CPLX1: variants seen among roughly 807,000 people sequenced by gnomAD.
The protein encoded by CPLX1 is complexin-1.
A neutral mutation model predicts 15.6 loss-of-function variants in CPLX1; 6 were observed. The ratio of observed to expected loss-of-function variants is 0.39; its 90% CI spans 0.21 to 0.76. The LOEUF (loss-of-function observed/expected upper bound fraction) is 0.76, where lower values mean the gene tolerates loss of function less well. CPLX1 is among the 30% of genes least tolerant of loss of function. The pLI, the probability that CPLX1 is intolerant of heterozygous loss-of-function variation, is 0.43. For missense variants in CPLX1, 242 were observed against 188.6 expected, an observed-to-expected ratio of 1.28 and a Z score of -1.66; for synonymous variants, 91 against 75.2, an observed-to-expected ratio of 1.21 and a Z score of -1.08.
chr4:820,962 C>T (rs868382851), intron 2 of CPLX1, among the ~76,000 whole-genome samples: 1 of 152,174 alleles, frequency 6.6e-6, no homozygotes, highest in Non-Finnish European at 1.5e-5. Context: ...GGGCCGTCCA[C>T]GAGACACTTC....
At chr4:799,590 T>G (rs965630381) in intron 2 of CPLX1, among the ~76,000 whole-genome samples, 4 of 152,154 alleles carry the variant, frequency 2.6e-5, no homozygotes, top group South Asian at 2.1e-4. Flanking sequence ...AGGCTGGGCA[T>G]GGTGGCTCAC....
At chr4:810,042 ACT>A (rs1252893760) in intron 2 of CPLX1, among the ~76,000 whole-genome samples, 7 of 138,266 alleles carry the variant, frequency 5.1e-5, no homozygotes, top group Non-Finnish European at 7.7e-5. Flanking sequence ...GTGGATCTGC[ACT>A]TTCTTTTTTT....
chr4:807,216 A>T (rs1050744281), intron 2 of CPLX1, among the ~76,000 whole-genome samples: 13 of 152,250 alleles, frequency 8.5e-5, no homozygotes, highest in African/African-American at 2.7e-4. Context: ...CAGCAAACTA[A>T]CACAGGAACA....
intron 2 of CPLX1, chr4:805,034 T>C: frequency 1.4e-6 from 1 of 710,092 alleles, no homozygotes; most frequent in African/African-American, 1.9e-5. Context: ...GCACCGTCTG[T>C]CTCGGCAGCG....
At position 824,603 on chromosome 4, in the gene CPLX1, T is replaced by C; in HGVS notation, c.-79-2A>G. The C allele has an allele frequency of 1.3e-6, 2 of 1,488,860 alleles. No individual in the cohort carries two copies. Among genetic ancestry groups the C allele is most frequent in the Non-Finnish European group, 1.9e-6 (2 of 1,067,668 alleles). 92.2% of individuals were successfully genotyped at this position (1,488,860 alleles called of 1,614,324 possible). A position where few individuals can be genotyped will look rare whatever the true frequency, so the allele number is the denominator to read the frequency against. ...TATGGCCGGGAGCGAGTGTTCTTCCTGGGGGAGAGTGAAGTGGTCACAGGT... is the reference window on the plus strand; with the variant it reads ...TATGGCCGGGAGCGAGTGTTCTTCCCGGGGGAGAGTGAAGTGGTCACAGGT... On this transcript the variant is annotated splice_acceptor_variant, in intron 1 of 3. Transcript: ENST00000304062. LOFTEE classifies it low-confidence loss of function (5UTR_SPLICE).
At chr4:824,654 C>T in intron 1 of CPLX1, 53 bp from the exon 2 acceptor site, 2 of 929,844 alleles carry the variant, frequency 2.2e-6, no homozygotes, top group East Asian at 4.8e-5. Flanking sequence ...CCTGCCTGGC[C>T]TTCCCCAGAG....
intron 3 of CPLX1, 174 bp from the exon 4 acceptor site, chr4:786,872 G>C (rs914626020): frequency 8.1e-6 from 8 of 983,878 alleles, no homozygotes; most frequent in Non-Finnish European, 9.7e-6. Flanking sequence ...GGGGTCCCTG[G>C]AGGAATGGGA....
chr4:818,599 C>T (rs1042474591), intron 2 of CPLX1, among the ~76,000 whole-genome samples: 4 of 152,266 alleles, frequency 2.6e-5, no homozygotes, highest in African/African-American at 4.8e-5. Flanking sequence ...CAAGGCCCCC[C>T]GTCCACACCG....
chr4:814,033 C>T (rs1398965949), intron 2 of CPLX1, among the ~76,000 whole-genome samples: 1 of 152,234 alleles, frequency 6.6e-6, no homozygotes, highest in Non-Finnish European at 1.5e-5. Context: ...GGCAGAGCCA[C>T]ACCTGGGCGA....
At chr4:795,718 G>A (rs1018039471) in intron 2 of CPLX1, among the ~76,000 whole-genome samples, 1 of 151,898 alleles carries the variant, frequency 6.6e-6, no homozygotes, top group African/African-American at 2.4e-5. Flanking sequence ...CGGCACAGGC[G>A]GATAAACCCT....
intron 2 of CPLX1, chr4:804,856 A>C (rs1335399308): frequency 4.2e-6 from 4 of 956,788 alleles, no homozygotes; most frequent in South Asian, 4.9e-5. Context: ...CTCAGCCTCC[A>C]CGGGAAAGGT....
intron 1 of CPLX1, among the ~76,000 whole-genome samples, chr4:825,275 A>G (rs1301229842): frequency 2.6e-5 from 4 of 152,072 alleles, no homozygotes; most frequent in African/African-American, 4.8e-5. Flanking sequence ...AAATCACAGC[A>G]GCCGCAGTGA....
At chr4:787,644 G>A in intron 3 of CPLX1, 1 of 970,510 alleles carries the variant, frequency 1.0e-6, no homozygotes, top group Non-Finnish European at 1.2e-6. Context: ...GCAGGAAGGG[G>A]CAGGGAAGGG....
At chr4:788,054 C>T in intron 3 of CPLX1, 1 of 985,438 alleles carries the variant, frequency 1.0e-6, no homozygotes, top group Non-Finnish European at 1.2e-6. Flanking sequence ...GGGGAGTGGG[C>T]ACCAGCACTC....
chr4:812,375 CAG>C (rs1376117223), intron 2 of CPLX1, among the ~76,000 whole-genome samples: 4 of 152,208 alleles, frequency 2.6e-5, no homozygotes, highest in Non-Finnish European at 1.5e-5. Flanking sequence ...CCGCACCCAG[CAG>C]AGTCTTTTTA....
At chr4:787,558 C>T in intron 3 of CPLX1, 2 of 663,206 alleles carry the variant, frequency 3.0e-6, no homozygotes, top group Non-Finnish European at 3.7e-6. Flanking sequence ...GACAGACACC[C>T]GGATGGGGGC....
Position 826,095 on chromosome 4 carries a change from G to A in CPLX1, c.-129C>T, listed in dbSNP as rs992637070. On this transcript the variant is annotated 5_prime_UTR_variant, in exon 1 of 4. Transcript: ENST00000304062. ...GGCGGGGCGCGCTCGGGCCGGCTGG[G>A]TCCATGTGGCGCCCGGTGAGCTGCG... 2 of 146,338 alleles carry A rather than the reference G, an allele frequency of 1.4e-5. No individual in the cohort carries two copies. The highest frequency in any genetic ancestry group is 3.0e-5 in the Non-Finnish European group (2 of 66,086). 9.1% of individuals were successfully genotyped at this position (146,338 alleles called of 1,614,324 possible).
intron 2 of CPLX1, among the ~76,000 whole-genome samples, chr4:820,443 G>C (rs1450537133): frequency 6.6e-6 from 1 of 152,240 alleles, no homozygotes; most frequent in Non-Finnish European, 1.5e-5. Context: ...GTCTGGGACA[G>C]GGTGGACACC....
chr4:821,773 CTCCCT>C (rs1033868029), intron 2 of CPLX1, among the ~76,000 whole-genome samples: 10 of 152,340 alleles, frequency 6.6e-5, no homozygotes, highest in African/African-American at 2.4e-4. Context: ...AGCCACCATG[CTCCCT>C]TCCCTTGGTG....
Sources: gnomAD v4.1 joint callset for allele counts (sites outside exome capture counted in the v4.1 genomes callset) on GRCh38, gnomAD v4.1.1 for gene constraint, MANE v1.5 for transcripts, NCBI Gene and HGNC (gene_info 2026-07-23, HGNC 2026-07-21) for gene names.